PCDHGB2: variants seen among roughly 807,000 people sequenced by gnomAD.
The protein encoded by PCDHGB2 is protocadherin gamma subfamily B, 2.
A neutral mutation model predicts 59.3 loss-of-function variants in PCDHGB2; 55 were observed. The ratio of observed to expected loss-of-function variants is 0.93; its 90% CI spans 0.75 to 1.16. The LOEUF is 1.16. PCDHGB2 is among the 50% of genes most tolerant of loss of function. The pLI is 0.00. For synonymous variants in PCDHGB2, 516 were observed against 512.0 expected (o/e 1.01, Z -0.11); for missense variants, 1,228 against 1,198.5 (o/e 1.02, Z -0.36).
chr5:141,377,665 G>T (rs1040007479), intron 1 of PCDHGB2: 1 of 151,618 alleles, frequency 6.6e-6, no homozygotes, highest in Admixed American at 6.6e-5. Flanking sequence ...AACGACAGAC[G>T]TTCATACAAG....
intron 1 of PCDHGB2, among the ~76,000 whole-genome samples, chr5:141,405,943 CATA>C (rs1017424287): frequency 6.6e-6 from 1 of 152,106 alleles, no homozygotes; most frequent in Non-Finnish European, 1.5e-5. Flanking sequence ...TTCATGTTCT[CATA>C]ATAATTAACC....
At chr5:141,382,978 T>G in intron 1 of PCDHGB2, 1 of 1,610,702 alleles carries the variant, frequency 6.2e-7, no homozygotes, top group Non-Finnish European at 8.5e-7. Context: ...CTGGGAAGCC[T>G]GGGCAGGACG....
chr5:141,465,893 C>T (rs926928579), intron 1 of PCDHGB2, among the ~76,000 whole-genome samples: 23 of 152,078 alleles, frequency 1.5e-4, no homozygotes, highest in Middle Eastern at 3.4e-3. Context: ...GAGGCCGAGG[C>T]GGGCAAATCA....
chr5:141,491,253 T>C lies in PCDHGB2; in HGVS notation c.2422-3554T>C, dbSNP rs71583648. The C allele has an allele frequency of 2.3e-3, 3,639 of 1,614,176 alleles. 33 individuals carry two copies. The African/African-American group carries it at 0.026, about 11-fold the overall frequency. Reference sequence around the variant, plus strand: ...TGCTGGTTCTGGAGGATGAGGACCCTGAGGAAATGCCCAAATCCAGTGACT... The same window carrying C: ...TGCTGGTTCTGGAGGATGAGGACCCCGAGGAAATGCCCAAATCCAGTGACT... On this transcript the variant is annotated intron_variant, in intron 1 of 3. Coordinates refer to ENST00000522605, the MANE Select transcript of PCDHGB2 (RefSeq NM_018923.3). This position sits in a 1 kb window ranked among gnomAD's most constrained non-coding sequence, Gnocchi z 6.9.
intron 2 of PCDHGB2, among the ~76,000 whole-genome samples, chr5:141,502,834 A>G (rs1398558120): frequency 6.7e-6 from 1 of 149,378 alleles, no homozygotes; most frequent in Non-Finnish European, 1.5e-5. Flanking sequence ...GGAAGCCTGG[A>G]CTGGCTGAGC....
At chr5:141,479,120 A>T (rs1278879959) in intron 1 of PCDHGB2, among the ~76,000 whole-genome samples, 1 of 152,232 alleles carries the variant, frequency 6.6e-6, no homozygotes, top group Non-Finnish European at 1.5e-5. Context: ...TTCTACTGGA[A>T]ATGATGTGCA....
intron 1 of PCDHGB2, chr5:141,478,860 A>C: frequency 1.9e-5 from 25 of 1,331,544 alleles, no homozygotes; most frequent in Middle Eastern, 2.6e-4. Context: ...ACAAGATCTC[A>C]GCGATCAGAG....
At chr5:141,430,936 C>T (rs2097327732) in intron 1 of PCDHGB2, 4 of 1,606,984 alleles carry the variant, frequency 2.5e-6, no homozygotes, top group Admixed American at 3.4e-5. Flanking sequence ...CCCGGGAGCT[C>T]GCGGAGCGCG....
rs779065098 is a variant in PCDHGB2, at chr5:141,491,758, C to G, written c.2422-3049C>G. The G allele has an allele frequency of 1.9e-6, 3 of 1,578,788 alleles. No individual in the cohort carries two copies. The highest frequency in any genetic ancestry group is 1.7e-4 in the Middle Eastern group (1 of 5,954). ...TGGGGGCGGCACTGGAGAAGCCGCCCGTCCTCATAAGGGATTGAACTTGCA... is the reference window on the plus strand; with the variant it reads ...TGGGGGCGGCACTGGAGAAGCCGCCGGTCCTCATAAGGGATTGAACTTGCA... On this transcript the variant is annotated intron_variant, in intron 1 of 3. Transcript: ENST00000522605. This position sits in a 1 kb window ranked among gnomAD's most constrained non-coding sequence, Gnocchi z 6.9.
At chr5:141,445,148 C>T (rs1051995635) in intron 1 of PCDHGB2, among the ~76,000 whole-genome samples, 3 of 152,092 alleles carry the variant, frequency 2.0e-5, no homozygotes, top group Non-Finnish European at 4.4e-5. Context: ...TCTAATTGTT[C>T]ATTTCTAGTT....
chr5:141,377,736 G>A (rs1308540994), intron 1 of PCDHGB2: 1 of 152,060 alleles, frequency 6.6e-6, no homozygotes, highest in African/African-American at 2.4e-5. Flanking sequence ...AAGAATCATT[G>A]GTAACTGCAG....
At chr5:141,391,398 A>G (rs924962931) in intron 1 of PCDHGB2, 11 of 151,014 alleles carry the variant, frequency 7.3e-5, no homozygotes, top group Middle Eastern at 3.4e-3. Flanking sequence ...CTCCAGCCTC[A>G]AACTCCTGGG....
At chr5:141,504,182 C>A (rs2099836345) in intron 2 of PCDHGB2, among the ~76,000 whole-genome samples, 1 of 152,234 alleles carries the variant, frequency 6.6e-6, no homozygotes, top group Non-Finnish European at 1.5e-5. Context: ...TCAAAAAAAT[C>A]ATGAAAATTG....
rs763104309 is a variant in PCDHGB2, at chr5:141,432,042, G to A, written c.2422-62765G>A. 5 of 1,614,090 alleles carry A rather than the reference G, an allele frequency of 3.1e-6. No homozygotes were observed. The African/African-American group carries it at 6.7e-5, about 22-fold the overall frequency. ...ATCACAGTGACCGCCACTGACCGGG[G>A]AACCCCGCCCCTATCCACGGAAACT... On this transcript the variant is annotated intron_variant, in intron 1 of 3. Transcript: ENST00000522605. The surrounding 1 kb of genome is among the most constrained non-coding windows in gnomAD (Gnocchi z 6.0).
chr5:141,403,127 C>G, intron 1 of PCDHGB2: 1 of 1,614,062 alleles, frequency 6.2e-7, no homozygotes, highest in Non-Finnish European at 8.5e-7. Context: ...GCCCCGGGAG[C>G]TGGCGGAGCG....
At chr5:141,394,446 A>C in intron 1 of PCDHGB2, 1 of 1,614,246 alleles carries the variant, frequency 6.2e-7, no homozygotes, top group Non-Finnish European at 8.5e-7. Flanking sequence ...CCTCAGCAGC[A>C]ACATGTCACT....
At chr5:141,414,878 A>G in intron 1 of PCDHGB2, 2 of 1,614,026 alleles carry the variant, frequency 1.2e-6, no homozygotes, top group Non-Finnish European at 1.7e-6. Context: ...GAGATCCTGT[A>G]CCCCGCCCTC....
chr5:141,399,146 G>A, intron 1 of PCDHGB2: 4 of 1,613,792 alleles, frequency 2.5e-6, no homozygotes, highest in Non-Finnish European at 3.4e-6. Context: ...AATGACAATA[G>A]CCCAGAAGTT....
chr5:141,450,581 G>A (rs2098686464), intron 1 of PCDHGB2, among the ~76,000 whole-genome samples: 1 of 151,878 alleles, frequency 6.6e-6, no homozygotes, highest in Non-Finnish European at 1.5e-5. Context: ...CTGCCTCCCA[G>A]GTTCAAGCAA....
Sources: gnomAD v4.1 joint callset for allele counts (sites outside exome capture counted in the v4.1 genomes callset) on GRCh38, gnomAD v4.1.1 for gene constraint, Gnocchi (gnomAD v3.1) non-coding constraint, MANE v1.5 for transcripts, NCBI Gene and HGNC (gene_info 2026-07-23, HGNC 2026-07-21) for gene names.